The following SLC22A14 variants were observed in gnomAD, a reference collection of about 807,000 sequenced individuals.
SLC22A14 encodes organic cation transporter-like 4.
SLC22A14 carries 50 observed loss-of-function variants against 53.9 expected under a neutral mutation model. That is an observed-to-expected ratio of 0.93 (90% CI 0.74 to 1.17). SLC22A14 has a LOEUF of 1.17. Among genes scored for constraint, SLC22A14 ranks in the 50% most tolerant of loss-of-function variants. The pLI, the probability that SLC22A14 is intolerant of heterozygous loss-of-function variation, is 0.00. For missense variants in SLC22A14, 671 were observed against 734.7 expected (o/e 0.91, Z 1.00); for synonymous variants, 312 against 303.0 (o/e 1.03, Z -0.31).
chr3:38,290,365 T>C (rs1703886169), intron 1 of SLC22A14, among the ~76,000 whole-genome samples: 1 of 152,184 alleles, frequency 6.6e-6, no homozygotes, highest in African/African-American at 2.4e-5. Context: ...CCGTGGTAGA[T>C]CTTAGTCATG....
intron 6 of SLC22A14, 34 bp from the exon 7 acceptor site, chr3:38,313,354 G>A (rs1355562026): frequency 6.5e-7 from 1 of 1,548,674 alleles, no homozygotes. Context: ...TGGGGTCTTG[G>A]CCCTGCCTCT....
chr3:38,284,995 C>T (rs1011742068), intron 1 of SLC22A14, among the ~76,000 whole-genome samples: 1 of 152,140 alleles, frequency 6.6e-6, no homozygotes, highest in Admixed American at 6.5e-5. Context: ...AGAAAGACAG[C>T]CTTCTGCACC....
intron 1 of SLC22A14, among the ~76,000 whole-genome samples, chr3:38,283,097 G>T (rs1703708713): frequency 6.6e-6 from 1 of 151,960 alleles, no homozygotes; most frequent in African/African-American, 2.4e-5. Context: ...GCATTCCTTG[G>T]CTCTGGGACC....
intron 1 of SLC22A14, among the ~76,000 whole-genome samples, chr3:38,299,335 C>T (rs1390885562): frequency 1.3e-5 from 2 of 152,198 alleles, no homozygotes; most frequent in Non-Finnish European, 2.9e-5. Flanking sequence ...CACCCATTCC[C>T]ACCCACTCAC....
chr3:38,291,527 C>G (rs1012724927), intron 1 of SLC22A14, among the ~76,000 whole-genome samples: 6 of 152,178 alleles, frequency 3.9e-5, no homozygotes, highest in African/African-American at 1.4e-4. Context: ...AAGATTTCTT[C>G]CCTGTATTAT....
Position 38,315,667 on chromosome 3 carries a change from T to C in SLC22A14, c.1488T>C (p.Thr496=). The C allele has an allele frequency of 1.2e-6, 2 of 1,614,044 alleles. No homozygotes were observed. The highest frequency in any genetic ancestry group is 2.7e-5 in the African/African-American group (2 of 75,030). Residue 496 remains threonine, a synonymous_variant, in exon 9 of 11, where the codon ACT becomes ACC. Transcript: ENST00000448498. The part of the protein sequence containing the change: ...LREFSLAATV[T]VFFLYTAELL... ...AGTTCAGCCTGGCCGCCACTGTCAC[T>C]GTGTTCTTCCTCTACACCGCTGAGC...
At chr3:38,309,583 A>G (rs1316412534) in intron 5 of SLC22A14, among the ~76,000 whole-genome samples, 1 of 152,180 alleles carries the variant, frequency 6.6e-6, no homozygotes, top group Non-Finnish European at 1.5e-5. Context: ...GGCAACTAAG[A>G]CAGAGTCAGG....
chr3:38,295,416 G>A (rs751112000), intron 1 of SLC22A14, among the ~76,000 whole-genome samples: 9 of 152,234 alleles, frequency 5.9e-5, no homozygotes, highest in Non-Finnish European at 7.3e-5. Context: ...TAGCAAAGCA[G>A]TTGCTGCTAC....
intron 1 of SLC22A14, among the ~76,000 whole-genome samples, chr3:38,285,344 G>A (rs1050477843): frequency 7.2e-5 from 11 of 152,116 alleles, no homozygotes; most frequent in African/African-American, 2.2e-4. Flanking sequence ...AAACAGACAC[G>A]TGTGAATCCA....
In SLC22A14 at chr3:38,307,742, G is replaced by T. The variant is rs1339999290; in HGVS notation, c.775+22G>T. ...TTGGGTGAGACTGGGCCTCAATGGGGCAGGGCAGGGTGGCACAGGGGCATG... is the reference window on the plus strand; with the variant it reads ...TTGGGTGAGACTGGGCCTCAATGGGTCAGGGCAGGGTGGCACAGGGGCATG... On this transcript the variant is annotated intron_variant, in intron 4 of 10. Transcript: ENST00000448498. This position sits in a 1 kb window ranked among gnomAD's most constrained non-coding sequence, Gnocchi z 4.4. 1.2e-6 allele frequency: 2 copies of T among 1,613,176 alleles called. No homozygotes were observed. The highest frequency in any genetic ancestry group is 1.1e-5 in the South Asian group (1 of 90,992).
At chr3:38,295,354 G>A (rs141670802) in intron 1 of SLC22A14, among the ~76,000 whole-genome samples, 1 of 152,136 alleles carries the variant, frequency 6.6e-6, no homozygotes, top group African/African-American at 2.4e-5. Context: ...AACTGGTGAG[G>A]TGTGCTCACA....
At chr3:38,314,861 G>C (rs1704576959) in intron 8 of SLC22A14, among the ~76,000 whole-genome samples, 1 of 152,240 alleles carries the variant, frequency 6.6e-6, no homozygotes, top group Non-Finnish European at 1.5e-5. Context: ...TCAGAAGTGT[G>C]AGAGAAACTA....
chr3:38,288,407 CTGTT>C (rs1212578259), intron 1 of SLC22A14, among the ~76,000 whole-genome samples: 2 of 152,152 alleles, frequency 1.3e-5, no homozygotes, highest in African/African-American at 2.4e-5. Context: ...GTGTACAAAT[CTGTT>C]TGAGCTCCTG....
chr3:38,285,645 A>G (rs1449863203), intron 1 of SLC22A14, among the ~76,000 whole-genome samples: 1 of 152,106 alleles, frequency 6.6e-6, no homozygotes, highest in Non-Finnish European at 1.5e-5. Flanking sequence ...TTTCATTGCT[A>G]TATTGTATTC....
At position 38,306,481 on chromosome 3, in the gene SLC22A14, C is replaced by T; in HGVS notation, c.455C>T (p.Thr152Ile). Residue 152 changes from threonine (T) to isoleucine (I), a missense_variant, in exon 2 of 11, where the codon ACA becomes ATA. Transcript: ENST00000448498. ...ATCATCCAGTTTGGCCTCAATGACA[C>T]AGACACATGCCAAGATGGGTGGATC... ...DSIIQFGLNDTDTCQDGWIYP... is the reference protein window; with the variant it reads ...DSIIQFGLNDIDTCQDGWIYP... The T allele has an allele frequency of 1.2e-6, 2 of 1,614,162 alleles. No homozygotes were observed. Among genetic ancestry groups the T allele is most frequent in the Non-Finnish European group, 1.7e-6 (2 of 1,179,998 alleles).
At chr3:38,286,420 T>TC (rs1017553220) in intron 1 of SLC22A14, among the ~76,000 whole-genome samples, 21 of 151,984 alleles carry the variant, frequency 1.4e-4, no homozygotes, top group Non-Finnish European at 2.8e-4. Flanking sequence ...TCTTTTCTTT[T>TC]CTTTTTTTTT....
At chr3:38,310,852 G>A (rs1460069673) in intron 5 of SLC22A14, among the ~76,000 whole-genome samples, 1 of 152,104 alleles carries the variant, frequency 6.6e-6, no homozygotes, top group African/African-American at 2.4e-5. Flanking sequence ...ACCCTGTTGT[G>A]GTGGGCTGCT....
Position 38,313,017 on chromosome 3 carries a change from G to A in SLC22A14, c.963G>A (p.Pro321=), listed in dbSNP as rs115900477. The A allele has an allele frequency of 2.0e-4, 316 of 1,584,310 alleles. 1 individual carries two copies. The highest frequency in any genetic ancestry group is 1.7e-4 in the Middle Eastern group (1 of 6,016). ...CACGCAGGATTCTCCCGGAGTCCCC[G>A]CGGTGGCTGATGATGAAAGGGAAGG... is the stretch of plus-strand genomic sequence containing the variant. ...ISYIWILPES[P]RWLMMKGKVK... is the part of the protein sequence containing the mutation. Residue 321 remains proline (P), a synonymous_variant, in exon 6 of 11, where the codon CCG becomes CCA. Coordinates refer to ENST00000448498, the MANE Select transcript of SLC22A14 (RefSeq NM_001320033.2).
chr3:38,304,538 C>T (rs2125884315), intron 1 of SLC22A14, among the ~76,000 whole-genome samples: 1 of 152,160 alleles, frequency 6.6e-6, no homozygotes. Flanking sequence ...CAGGCACATG[C>T]CACCAAGCCT....
Sources: gnomAD v4.1 joint callset for allele counts (sites outside exome capture counted in the v4.1 genomes callset) on GRCh38, gnomAD v4.1.1 for gene constraint, Gnocchi (gnomAD v3.1) non-coding constraint, MANE v1.5 for transcripts, NCBI Gene and HGNC (gene_info 2026-07-23, HGNC 2026-07-21) for gene names.